ARHGEF12: variants seen among roughly 807,000 people sequenced by gnomAD.
ARHGEF12 encodes KMT2A/ARHGEF12 fusion protein.
ARHGEF12 carries 66 observed loss-of-function variants against 211.2 expected under a neutral mutation model. The ratio of observed to expected loss-of-function variants is 0.31; its 90% confidence interval spans 0.26 to 0.38. ARHGEF12 has a LOEUF of 0.38. Ranked by LOEUF, ARHGEF12 falls within the 10% of genes least tolerant of loss-of-function variation. The probability of loss-of-function intolerance (pLI) is 1.00; values close to 1 mark genes in which losing one functional copy is unlikely to be tolerated. For missense variants in ARHGEF12, 1,429 were observed against 1,869.5 expected (o/e 0.76, Z 4.34); for synonymous variants, 592 against 638.4 (o/e 0.93, Z 1.09).
intron 22 of ARHGEF12, among the ~76,000 whole-genome samples, chr11:120,456,621 T>C (rs1946369910): frequency 6.6e-6 from 1 of 152,214 alleles, no homozygotes; most frequent in Non-Finnish European, 1.5e-5. Context: ...TGGGAAAATG[T>C]TGTTCCTCAT....
chr11:120,475,602 T>A, intron 33 of ARHGEF12, 95 bp downstream of exon 33: 1 of 1,287,932 alleles, frequency 7.8e-7, no homozygotes, highest in Non-Finnish European at 1.1e-6. Flanking sequence ...TGGCATAGAG[T>A]CTTGCTATTT....
chr11:120,488,633 G>A lies in ARHGEF12; in HGVS notation c.*3556G>A, dbSNP rs1473006712. ...GAAGCCTTCCCCACCATTTCCAGGT[G>A]CCAACTGCTAAGCAGATATATTCCA... On this transcript the variant is annotated 3_prime_UTR_variant, in exon 41 of 41. Transcript: ENST00000397843. 3 of 220,376 alleles carry A rather than the reference G, an allele frequency of 1.4e-5. No individual in the cohort carries two copies. The highest frequency in any genetic ancestry group is 2.2e-5 in the African/African-American group (1 of 44,620). 13.7% of individuals were successfully genotyped at this position (220,376 alleles called of 1,614,324 possible).
At chr11:120,397,202 C>T (rs1412598822) in intron 1 of ARHGEF12, among the ~76,000 whole-genome samples, 1 of 152,212 alleles carries the variant, frequency 6.6e-6, no homozygotes, top group South Asian at 2.1e-4. Context: ...TTTCGTGCCA[C>T]ACTTTGTCAC....
chr11:120,396,429 G>A (rs892805337), intron 1 of ARHGEF12, among the ~76,000 whole-genome samples: 1 of 152,262 alleles, frequency 6.6e-6, no homozygotes, highest in East Asian at 1.9e-4. Context: ...GAGACGTCGA[G>A]CAACCACTCC....
chr11:120,467,343 AC>A (rs753500313), intron 29 of ARHGEF12, 35 bp downstream of exon 29: 2 of 1,369,112 alleles, frequency 1.5e-6, no homozygotes, highest in African/African-American at 2.9e-5. Flanking sequence ...AAGCTTAAGA[AC>A]AACAACAACG....
chr11:120,409,202 G>C (rs922335856), intron 3 of ARHGEF12, 192 bp from the exon 4 acceptor site: 7 of 513,350 alleles, frequency 1.4e-5, no homozygotes, highest in African/African-American at 1.9e-5. Context: ...TCTTTTCTTC[G>C]ATAAATCTTT....
intron 4 of ARHGEF12, chr11:120,410,744 G>GT (rs1244026865): frequency 3.9e-5 from 6 of 152,164 alleles, no homozygotes; most frequent in Non-Finnish European, 1.5e-5. Context: ...TAGTTCAGCA[G>GT]TAAATGTATA....
intron 1 of ARHGEF12, among the ~76,000 whole-genome samples, chr11:120,351,453 ATATTTTTT>A (rs1487101488): frequency 2.8e-4 from 1 of 3,634 alleles, no homozygotes; most frequent in Non-Finnish European, 4.6e-4. Context: ...ATATATATAT[ATATTTTTT>A]TTTTTTTTTT....
chr11:120,485,948 A>G lies in ARHGEF12; in HGVS notation c.*871A>G, dbSNP rs905997332. 2 of 233,394 alleles carry G rather than the reference A, an allele frequency of 8.6e-6. No homozygotes were observed. Among genetic ancestry groups the G allele is most frequent in the Non-Finnish European group, 1.7e-5 (2 of 117,912 alleles). 14.5% of individuals were successfully genotyped at this position (233,394 alleles called of 1,614,324 possible). A position where few individuals can be genotyped will look rare whatever the true frequency, so the allele number is the denominator to read the frequency against. ...TTATTTTCTTGACTATAAATTTGTT[A>G]TTCTTGGTATCATTTCATTTTTATA... On this transcript the variant is annotated 3_prime_UTR_variant, in exon 41 of 41. Coordinates refer to ENST00000397843, the MANE Select transcript of ARHGEF12 (RefSeq NM_015313.3).
intron 1 of ARHGEF12, 65 bp downstream of exon 1, chr11:120,337,340 T>A: frequency 6.2e-7 from 1 of 1,610,058 alleles, no homozygotes; most frequent in African/African-American, 1.3e-5. Flanking sequence ...GGGGAGTCGG[T>A]GATTGCAGAT....
intron 1 of ARHGEF12, among the ~76,000 whole-genome samples, chr11:120,389,943 G>C (rs750017686): frequency 6.6e-6 from 1 of 152,110 alleles, no homozygotes; most frequent in Non-Finnish European, 1.5e-5. Flanking sequence ...AGATACTTAG[G>C]TTGCTTCCAA....
In ARHGEF12 at chr11:120,409,385, C is replaced by T. The variant is rs1459941905; in HGVS notation, c.143-9C>T. ...TATATCTCTCTCCTTTTCTCCCGCT[C>T]TTGTGCAGATAGCTCCTCCAAGAAG... On this transcript the variant is annotated splice_polypyrimidine_tract_variant and intron_variant, in intron 3 of 40. Transcript: ENST00000397843. 1 of 1,613,612 alleles carries T rather than the reference C, an allele frequency of 6.2e-7. No homozygotes were observed. Among genetic ancestry groups the T allele is most frequent in the Non-Finnish European group, 8.5e-7 (1 of 1,179,758 alleles).
intron 22 of ARHGEF12, among the ~76,000 whole-genome samples, chr11:120,452,339 G>A (rs961595209): frequency 9.2e-5 from 14 of 152,142 alleles, no homozygotes; most frequent in African/African-American, 3.4e-4. Context: ...AATTTGAAGA[G>A]TAAAGAAAGA....
chr11:120,437,257 C>A, intron 11 of ARHGEF12, 51 bp from the exon 12 acceptor site: 1 of 1,309,394 alleles, frequency 7.6e-7, no homozygotes, highest in South Asian at 1.4e-5. Context: ...TCCCTCATCT[C>A]CTTTTGGTGT....
chr11:120,388,107 AT>A (rs1944095870), intron 1 of ARHGEF12, among the ~76,000 whole-genome samples: 2 of 152,046 alleles, frequency 1.3e-5, no homozygotes, highest in Non-Finnish European at 2.9e-5. Context: ...CTCCTCACCT[AT>A]CCCCAGGTGT....
At chr11:120,347,264 CTCTGTCTG>C (rs61622834) in intron 1 of ARHGEF12, among the ~76,000 whole-genome samples, 27 of 112,824 alleles carry the variant, frequency 2.4e-4, no homozygotes, top group Non-Finnish European at 2.5e-4. Flanking sequence ...CTCTCTCTCT[CTCTGTCTG>C]TGTGTGTGTG....
At chr11:120,350,072 T>C (rs1352386534) in intron 1 of ARHGEF12, among the ~76,000 whole-genome samples, 1 of 152,188 alleles carries the variant, frequency 6.6e-6, no homozygotes, top group African/African-American at 2.4e-5. Flanking sequence ...CATCAGTTTG[T>C]TTATTTATTC....
chr11:120,464,005 A>G (rs560197250), intron 27 of ARHGEF12: 1 of 152,350 alleles, frequency 6.6e-6, no homozygotes, highest in East Asian at 1.9e-4. Flanking sequence ...TCTTAAAATC[A>G]TGGCACATGC....
Position 120,480,003 on chromosome 11 carries a change from T to G in ARHGEF12, c.3810T>G (p.Thr1270=). Reference sequence around the variant, plus strand: ...TGCTGGTGCAACAGCTAGGTTTGACTGAGAAGAGCGTTCAGGAAGACTGGC... The same window carrying G: ...TGCTGGTGCAACAGCTAGGTTTGACGGAGAAGAGCGTTCAGGAAGACTGGC... ...KQLLVQQLGL[T]EKSVQEDWQH... The change falls in exon 38 of 41, where the codon ACT becomes ACG. Residue 1270 remains threonine (T), a synonymous_variant. Coordinates refer to ENST00000397843, the MANE Select transcript of ARHGEF12 (RefSeq NM_015313.3). The G allele has an allele frequency of 3.7e-6, 6 of 1,614,130 alleles. No homozygotes were observed. Among genetic ancestry groups the G allele is most frequent in the Non-Finnish European group, 5.1e-6 (6 of 1,180,000 alleles).
Sources: allele counts gnomAD v4.1 joint callset (sites outside exome capture counted in the v4.1 genomes callset), GRCh38; gene constraint gnomAD v4.1.1; transcripts MANE v1.5; gene names NCBI Gene and HGNC (gene_info 2026-07-23, HGNC 2026-07-21).